Variants in PCDHA3 observed in about 807,000 individuals in gnomAD.
The protein encoded by PCDHA3 is protocadherin alpha 3, also known as protocadherin alpha-3.
A neutral mutation model predicts 62.2 loss-of-function variants in PCDHA3; 41 were observed. The observed-to-expected ratio is 0.66, with a 90% CI of 0.51 to 0.86. The LOEUF (loss-of-function observed/expected upper bound fraction) is 0.86. Ranked by LOEUF, PCDHA3 falls within the 40% of genes least tolerant of loss-of-function variation. PCDHA3 has a pLI of 0.00. For missense variants in PCDHA3, 1,304 were observed against 1,241.2 expected, an observed-to-expected ratio of 1.05 and a Z score of -0.76; for synonymous variants, 640 against 555.4, an observed-to-expected ratio of 1.15 and a Z score of -2.14.
At chr5:140,884,033 C>T in intron 1 of PCDHA3, 1 of 1,613,402 alleles carries the variant, frequency 6.2e-7, no homozygotes, top group Non-Finnish European at 8.5e-7. Context: ...GGGTGCAGGC[C>T]ACGTGGTGGC....
intron 1 of PCDHA3, among the ~76,000 whole-genome samples, chr5:140,950,195 C>T (rs186601471): frequency 6.6e-6 from 1 of 152,028 alleles, no homozygotes; most frequent in South Asian, 2.1e-4. Flanking sequence ...AAAAAATAGT[C>T]ATTTCTGTTT....
chr5:140,883,639 G>A (rs2059720248), intron 1 of PCDHA3: 1 of 1,614,016 alleles, frequency 6.2e-7, no homozygotes, highest in Non-Finnish European at 8.5e-7. Context: ...CGTTCGCGCA[G>A]CCCGAGTACA....
Position 140,815,237 on chromosome 5 carries a change from T to C in PCDHA3, c.2394+11646T>C, listed in dbSNP as rs972816708. The stretch of plus-strand genomic sequence containing the variant: ...TTACTGTTGCCTCTTTGTTAATTGT[T>C]GTTTGCAGCTTGTAGACTTTTTGCT... On this transcript the variant is annotated intron_variant, in intron 1 of 3. Coordinates refer to ENST00000522353, the MANE Select transcript of PCDHA3 (RefSeq NM_018906.3). The C allele has an allele frequency of 2.0e-5, 3 of 152,152 alleles. 1 individual carries two copies. The highest frequency in any genetic ancestry group is 2.0e-4 in the Admixed American group (3 of 15,276). 9.4% of individuals were successfully genotyped at this position (152,152 alleles called of 1,614,324 possible).
chr5:140,921,498 A>G (rs2080245132), intron 1 of PCDHA3, among the ~76,000 whole-genome samples: 1 of 152,230 alleles, frequency 6.6e-6, no homozygotes, highest in African/African-American at 2.4e-5. Context: ...TTAGTTTATT[A>G]GATAGTGCCT....
intron 1 of PCDHA3, chr5:140,857,387 G>A (rs369919324): frequency 2.5e-6 from 4 of 1,598,586 alleles, no homozygotes; most frequent in Admixed American, 1.7e-5. Flanking sequence ...GGTGGCCGAC[G>A]TGAACGACAA....
intron 1 of PCDHA3, chr5:140,869,033 T>C (rs1161601594): frequency 6.5e-7 from 1 of 1,527,194 alleles, no homozygotes; most frequent in East Asian, 2.3e-5. Flanking sequence ...AACGAGATTT[T>C]TAACCTGAAA....
chr5:140,894,354 TTTC>T (rs1477056787), intron 1 of PCDHA3, among the ~76,000 whole-genome samples: 2 of 152,070 alleles, frequency 1.3e-5, no homozygotes, highest in Admixed American at 1.3e-4. Context: ...TTACTTCAGA[TTTC>T]TTCTTCAATG....
At chr5:140,876,709 C>T (rs782033453) in intron 1 of PCDHA3, 1 of 1,614,248 alleles carries the variant, frequency 6.2e-7, no homozygotes, top group Non-Finnish European at 8.5e-7. Context: ...GGACAGCGCC[C>T]TGGACCGCGA....
chr5:140,877,776 C>A (rs2057336039), intron 1 of PCDHA3: 3 of 1,614,032 alleles, frequency 1.9e-6, no homozygotes, highest in South Asian at 1.1e-5. Context: ...CCAAGACGGA[C>A]CTCATGGCCT....
chr5:140,919,198 A>G (rs545072839), intron 1 of PCDHA3, among the ~76,000 whole-genome samples: 8 of 152,268 alleles, frequency 5.3e-5, no homozygotes, highest in Admixed American at 3.9e-4. Flanking sequence ...TCCTTTTGTC[A>G]TTATAAAATG....
rs2150416183 is a variant in PCDHA3, at chr5:140,848,654, G to A, written c.2394+45063G>A. ...TGGGCCGCATCGCGCAGGACCTGGG[G>A]CTGGAGCTGGCGGAGCTGGTGCCGC... On this transcript the variant is annotated intron_variant, in intron 1 of 3. Coordinates refer to ENST00000522353, the MANE Select transcript of PCDHA3 (RefSeq NM_018906.3). The A allele has an allele frequency of 3.8e-6, 6 of 1,592,752 alleles. 1 individual carries two copies. Among genetic ancestry groups the A allele is most frequent in the African/African-American group, 1.3e-5 (1 of 74,466 alleles).
intron 1 of PCDHA3, chr5:140,857,693 A>T: frequency 6.3e-7 from 1 of 1,597,022 alleles, no homozygotes; most frequent in Non-Finnish European, 8.6e-7. Context: ...CAGCAACTTG[A>T]CGCTGCAGGT....
chr5:140,849,999 C>G lies in PCDHA3; in HGVS notation c.2394+46408C>G, dbSNP rs1554143600. The G allele has an allele frequency of 3.1e-6, 5 of 1,596,930 alleles. No individual in the cohort carries two copies. In the African/African-American group the frequency reaches 5.4e-5, roughly 17 times the overall value. The stretch of plus-strand genomic sequence containing the variant: ...GCTGGTGGAGCGGCGGTTGGGCGAG[C>G]GCTCGCTGTCGAGCTACGTGTCAGT... On this transcript the variant is annotated intron_variant, in intron 1 of 3. Coordinates refer to ENST00000522353, the MANE Select transcript of PCDHA3 (RefSeq NM_018906.3).
chr5:140,876,855 A>C (rs371246236), intron 1 of PCDHA3: 7 of 1,613,934 alleles, frequency 4.3e-6, no homozygotes, highest in East Asian at 2.2e-5. Flanking sequence ...CCGAGTACAC[A>C]GTGTTCGTGA....
chr5:140,941,202 C>CCTTCCTTTCTTTCTTTCTTT lies in PCDHA3; in HGVS notation c.2395-37744_2395-37743insCCTTTCTTTCTTTCTTTCTT, dbSNP rs1554213920. 2.0e-4 allele frequency among the ~76,000 whole-genome samples: 24 copies of CCTTCCTTTCTTTCTTTCTTT among 122,828 alleles called. 1 individual carries two copies. Among genetic ancestry groups the CCTTCCTTTCTTTCTTTCTTT allele is most frequent in the Non-Finnish European group, 2.3e-4 (13 of 55,838 alleles). The allele number at this position is 122,828 out of a possible 152,430, so 80.6% of individuals were successfully genotyped here. A position where few individuals can be genotyped will look rare whatever the true frequency, so the allele number is the denominator to read the frequency against. ...TCCTGCTTCTTTTTTTTTCTTTCTTCCTTTCTTTCTTCCTTTCTTTCTTTC... is the reference window on the plus strand; with the variant it reads ...TCCTGCTTCTTTTTTTTTCTTTCTTCCTTCCTTTCTTTCTTTCTTTCTTTCTTTCTTCCTTTCTTTCTTTC... On this transcript the variant is annotated intron_variant, in intron 1 of 3. Coordinates refer to ENST00000522353, the MANE Select transcript of PCDHA3 (RefSeq NM_018906.3).
chr5:140,801,908 C>T lies in PCDHA3; in HGVS notation c.711C>T (p.Asp237=), dbSNP rs1554121759. 2 of 1,614,202 alleles carry T rather than the reference C, an allele frequency of 1.2e-6. No individual in the cohort carries two copies. The highest frequency in any genetic ancestry group is 8.5e-7 in the Non-Finnish European group (1 of 1,180,048). Residue 237 remains aspartate (D), a synonymous_variant, in exon 1 of 4, where the codon GAC becomes GAT. Transcript: ENST00000522353. ...AGATCACTGTTTTAGATGTAAACGA[C>T]AACGCCCCAGCGTTTGAGAGGACGA... ...QLKITVLDVN[D]NAPAFERTIY...
At chr5:141,001,303 A>G (rs2098006866) in intron 3 of PCDHA3, among the ~76,000 whole-genome samples, 2 of 152,182 alleles carry the variant, frequency 1.3e-5, no homozygotes, top group Admixed American at 1.3e-4. Context: ...GCCCAGAGAT[A>G]TGAAATAATT....
intron 1 of PCDHA3, chr5:140,853,946 G>A (rs2042919136): frequency 1.2e-6 from 1 of 805,184 alleles, no homozygotes; most frequent in Non-Finnish European, 1.5e-6. Flanking sequence ...AGGTGGGAGG[G>A]TCCCTTCCTT....
At chr5:140,856,766 A>G in intron 1 of PCDHA3, 1 of 1,596,904 alleles carries the variant, frequency 6.3e-7, no homozygotes, top group South Asian at 1.1e-5. Flanking sequence ...TAACGCCCCT[A>G]TCTTTGACAG....
Sources: gnomAD v4.1 joint callset for allele counts (sites outside exome capture counted in the v4.1 genomes callset) on GRCh38, gnomAD v4.1.1 for gene constraint, MANE v1.5 for transcripts, NCBI Gene and HGNC (gene_info 2026-07-23, HGNC 2026-07-21) for gene names.